The following SHC4 variants were observed in gnomAD, a reference collection of about 807,000 sequenced individuals.
SHC4 encodes SHC-transforming protein 4.
In SHC4, 41 loss-of-function variants were observed where a neutral mutation model predicts 69.4. The observed-to-expected ratio is 0.59, with a 90% CI of 0.46 to 0.77. SHC4 has a LOEUF of 0.77. Among genes scored for constraint, SHC4 ranks in the 30% least tolerant of loss-of-function variants. SHC4 has a pLI of 0.00. For missense variants in SHC4, 777 were observed against 783.8 expected (o/e 0.99, Z 0.10); for synonymous variants, 318 against 299.3 (o/e 1.06, Z -0.64).
At chr15:48,908,572 A>G (rs772259550) in intron 2 of SHC4, among the ~76,000 whole-genome samples, 3 of 152,162 alleles carry the variant, frequency 2.0e-5, no homozygotes, top group African/African-American at 4.8e-5. Context: ...CCAGCTATTT[A>G]TCTTTGTTTT....
At chr15:48,913,173 T>G (rs1000318304) in intron 2 of SHC4, among the ~76,000 whole-genome samples, 1 of 151,802 alleles carries the variant, frequency 6.6e-6, no homozygotes, top group African/African-American at 2.4e-5. Context: ...TTATATGCCC[T>G]TTGTCTTCTG....
intron 1 of SHC4, among the ~76,000 whole-genome samples, chr15:48,930,795 T>C (rs533878391): frequency 1.8e-4 from 28 of 152,324 alleles, no homozygotes; most frequent in African/African-American, 6.7e-4. Context: ...CTGCCACCTT[T>C]AAATAATTTT....
At chr15:48,912,122 T>C (rs936257618) in intron 2 of SHC4, among the ~76,000 whole-genome samples, 7 of 152,214 alleles carry the variant, frequency 4.6e-5, no homozygotes, top group Non-Finnish European at 1.0e-4. Context: ...TATATTTGGA[T>C]GTCTAGGTCT....
chr15:48,843,707 T>A, intron 9 of SHC4, 119 bp from the exon 10 acceptor site: 1 of 875,416 alleles, frequency 1.1e-6, no homozygotes, highest in East Asian at 3.0e-5. Context: ...TATACAATGA[T>A]TGAACACTTA....
chr15:48,841,725 T>C (rs561287864), intron 10 of SHC4, among the ~76,000 whole-genome samples: 6 of 152,230 alleles, frequency 3.9e-5, no homozygotes, highest in African/African-American at 1.2e-4. Context: ...CTTCCTGATA[T>C]TGATCCTCTT....
Position 48,840,250 on chromosome 15 carries a change from G to A in SHC4, c.1483+3159C>T, listed in dbSNP as rs190389398. On this transcript the variant is annotated intron_variant, in intron 10 of 11. Transcript: ENST00000332408. The stretch of plus-strand genomic sequence containing the variant: ...ACACTACAGCATTTGGCGGGGTGGC[G>A]GGGGCAGTATTTGTTATGGCAACTG... 8.6e-4 allele frequency among the ~76,000 whole-genome samples: 131 copies of A among 152,232 alleles called. 2 individuals carry two copies. In the Middle Eastern group the frequency reaches 0.02, roughly 24 times the overall value.
chr15:48,849,626 G>T (rs1031466954), intron 9 of SHC4, among the ~76,000 whole-genome samples: 1 of 152,184 alleles, frequency 6.6e-6, no homozygotes, highest in Non-Finnish European at 1.5e-5. Flanking sequence ...GTATTTCCAA[G>T]TGAGCTTCAG....
chr15:48,941,483 G>A (rs1901173857), intron 1 of SHC4, among the ~76,000 whole-genome samples: 1 of 152,168 alleles, frequency 6.6e-6, no homozygotes, highest in African/African-American at 2.4e-5. Flanking sequence ...GATAAGCTTA[G>A]GGGAGGGTGT....
At chr15:48,890,071 G>A (rs1365832395) in intron 3 of SHC4, among the ~76,000 whole-genome samples, 1 of 152,136 alleles carries the variant, frequency 6.6e-6, no homozygotes, top group African/African-American at 2.4e-5. Context: ...ACATCACTTC[G>A]TTTATTTCTT....
chr15:48,929,712 G>T (rs1293007104), intron 1 of SHC4, among the ~76,000 whole-genome samples: 1 of 152,214 alleles, frequency 6.6e-6, no homozygotes, highest in Non-Finnish European at 1.5e-5. Context: ...ACTGCAGGAG[G>T]TGAGACAGAG....
intron 8 of SHC4, among the ~76,000 whole-genome samples, chr15:48,852,353 C>A (rs923070135): frequency 2.6e-5 from 4 of 151,928 alleles, no homozygotes; most frequent in Non-Finnish European, 5.9e-5. Context: ...TGAAACATAT[C>A]AAAAATAAGA....
intron 1 of SHC4, among the ~76,000 whole-genome samples, chr15:48,948,520 T>A (rs562228056): frequency 3.3e-5 from 5 of 152,364 alleles, no homozygotes; most frequent in African/African-American, 1.2e-4. Context: ...TTACCAAGAA[T>A]TCTGCTATGT....
At chr15:48,872,354 G>A (rs888824735) in intron 4 of SHC4, among the ~76,000 whole-genome samples, 5 of 152,142 alleles carry the variant, frequency 3.3e-5, no homozygotes, top group African/African-American at 7.2e-5. Context: ...TGCCCACCCA[G>A]GTGGAACATT....
At chr15:48,927,849 A>G (rs1296556934) in intron 1 of SHC4, among the ~76,000 whole-genome samples, 1 of 152,090 alleles carries the variant, frequency 6.6e-6, no homozygotes, top group Non-Finnish European at 1.5e-5. Flanking sequence ...CTCAGCCCCT[A>G]TTCATCACTG....
Position 48,962,932 on chromosome 15 carries a change from G to C in SHC4, c.84C>G (p.Ala28=). 6.2e-7 allele frequency: 1 copy of C among 1,613,294 alleles called. No homozygotes were observed. Among genetic ancestry groups the C allele is most frequent in the Non-Finnish European group, 8.5e-7 (1 of 1,180,038 alleles). The change falls in exon 1 of 12, where the codon GCC becomes GCG. Residue 28 remains alanine (A), a synonymous_variant. Coordinates refer to ENST00000332408, the MANE Select transcript of SHC4 (RefSeq NM_203349.4). ...LFGHPGMLHR[A]KYSRFRNESI... ...ACTCGTTCCGAAAGCGGCTGTACTT[G>C]GCCCTGTGCAGCATCCCGGGGTGCC...
intron 10 of SHC4, among the ~76,000 whole-genome samples, chr15:48,838,858 C>T (rs903459893): frequency 2.0e-5 from 3 of 151,918 alleles, no homozygotes; most frequent in South Asian, 2.1e-4. Context: ...AGATCCCCAA[C>T]CTCACATAAT....
intron 10 of SHC4, among the ~76,000 whole-genome samples, chr15:48,836,555 T>G (rs779868321): frequency 1.4e-4 from 21 of 152,220 alleles, no homozygotes; most frequent in Non-Finnish European, 2.8e-4. Context: ...TTTCTTTTTT[T>G]TTGTTTTTTT....
chr15:48,850,962 C>G (rs769820905), intron 9 of SHC4, among the ~76,000 whole-genome samples: 3 of 152,164 alleles, frequency 2.0e-5, no homozygotes, highest in Non-Finnish European at 2.9e-5. Context: ...TAAAGCAAAA[C>G]CATCATCATG....
intron 10 of SHC4, among the ~76,000 whole-genome samples, chr15:48,838,797 T>G (rs186468861): frequency 1.0e-3 from 155 of 152,292 alleles, no homozygotes; most frequent in African/African-American, 3.7e-3. Context: ...AAGAGGAGAC[T>G]ACTCAATCAA....
Sources: allele counts gnomAD v4.1 joint callset (sites outside exome capture counted in the v4.1 genomes callset), GRCh38; gene constraint gnomAD v4.1.1; transcripts MANE v1.5; gene names NCBI Gene and HGNC (gene_info 2026-07-23, HGNC 2026-07-21).